Variants in TJP3 observed in about 807,000 individuals in gnomAD.
TJP3 encodes tight junction protein ZO-3.
In TJP3, 85 loss-of-function variants were observed where a neutral mutation model predicts 104.2. The ratio of observed to expected loss-of-function variants is 0.82; its 90% confidence interval spans 0.68 to 0.98. The LOEUF (loss-of-function observed/expected upper bound fraction) is 0.98. Ranked by LOEUF, TJP3 falls within the 50% of genes least tolerant of loss-of-function variation. The probability of loss-of-function intolerance (pLI) is 0.00; values close to 1 mark genes in which losing one functional copy is unlikely to be tolerated. For synonymous variants in TJP3, 550 were observed against 550.6 expected, an observed-to-expected ratio of 1.00 and a Z score of 0.02; for missense variants, 1,367 against 1,322.8, an observed-to-expected ratio of 1.03 and a Z score of -0.52.
chr19:3,731,922 TC>T lies in TJP3; in HGVS notation c.614-7del, dbSNP rs756691710. On this transcript the variant is annotated splice_polypyrimidine_tract_variant and intron_variant, in intron 5 of 20. Coordinates refer to ENST00000541714, the MANE Select transcript of TJP3 (RefSeq NM_001267560.2). ...CAGAGTCCTGCCTCAGTTTCCCTCC[TC>T]CCCCCTTACAGAGTTTGGCGTCAAG... is the stretch of plus-strand genomic sequence containing the variant. 1.6e-4 allele frequency: 255 copies of T among 1,609,104 alleles called. 2 individuals are homozygous for T. The East Asian group carries it at 5.6e-3, about 35-fold the overall frequency.
chr19:3,739,178 C>T (rs200025202), intron 13 of TJP3, 44 bp downstream of exon 13: 4 of 1,472,044 alleles, frequency 2.7e-6, no homozygotes, highest in Non-Finnish European at 3.6e-6. Flanking sequence ...CTGCTTCAGC[C>T]TCAGTCTCCC....
At chr19:3,731,903 C>T (rs760240113) in intron 5 of TJP3, 32 bp from the exon 6 acceptor site, 16 of 1,595,428 alleles carry the variant, frequency 1.0e-5, no homozygotes. Flanking sequence ...TCTCCAGAGT[C>T]CTGCCTCAGT....
chr19:3,749,025 A>AT (rs34880669), intron 19 of TJP3, among the ~76,000 whole-genome samples: 3,137 of 139,676 alleles, frequency 0.022, 38 homozygotes, highest in Middle Eastern at 0.077. Context: ...TGCCCAGCTA[A>AT]TTTTTTTTTT....
In TJP3 at chr19:3,716,743, A is replaced by G. The variant is rs1332774477; in HGVS notation, c.-10+8182A>G. Among the ~76,000 whole-genome samples the G allele has an allele frequency of 4.2e-5, 6 of 142,198 alleles. 1 individual carries two copies. The highest frequency in any genetic ancestry group is 7.8e-5 in the Non-Finnish European group (5 of 64,062). 93.3% of individuals were successfully genotyped at this position (142,198 alleles called of 152,430 possible). ...TGGGCTCAAATGATCCTCCCACTTC[A>G]GCGCCTAGAGGTGCCTGCTACCACA... On this transcript the variant is annotated intron_variant, in intron 1 of 20. Transcript: ENST00000541714.
intron 20 of TJP3, 124 bp downstream of exon 20, chr19:3,750,308 C>A: frequency 7.6e-7 from 1 of 1,307,956 alleles, no homozygotes; most frequent in South Asian, 1.3e-5. Context: ...GAAGACAGAG[C>A]CTGCCAGAGC....
chr19:3,734,428 T>C lies in TJP3; in HGVS notation c.979T>C (p.Ser327Pro), dbSNP rs2036713062. The C allele has an allele frequency of 1.9e-6, 3 of 1,606,704 alleles. No homozygotes were observed. Among genetic ancestry groups the C allele is most frequent in the Non-Finnish European group, 2.5e-6 (3 of 1,177,826 alleles). Reference protein sequence around the residue: ...QRSPEASQTDSPVESPRLRRE... With the variant: ...QRSPEASQTDPPVESPRLRRE... Reference sequence around the variant, plus strand: ...GAGCCCCGAGGCCAGCCAGACCGACTCTCCCGTGTAAGTATCACCCATCGG... The same window carrying C: ...GAGCCCCGAGGCCAGCCAGACCGACCCTCCCGTGTAAGTATCACCCATCGG... The change falls in exon 8 of 21, where the codon TCT (serine) becomes CCT (proline). Residue 327 changes from serine to proline, a missense_variant. By Grantham distance (74) the Ser-to-Pro change is moderately conservative. Coordinates refer to ENST00000541714, the MANE Select transcript of TJP3 (RefSeq NM_001267560.2).
At chr19:3,716,779 A>AGCT (rs2036480528) in intron 1 of TJP3, among the ~76,000 whole-genome samples, 1 of 101,848 alleles carries the variant, frequency 9.8e-6, no homozygotes, top group Non-Finnish European at 2.0e-5. Flanking sequence ...CCCAGCTCAT[A>AGCT]CATATATATA....
At chr19:3,728,828 G>A (rs1811242) in intron 3 of TJP3, 115 bp downstream of exon 3, 97 of 1,108,824 alleles carry the variant, frequency 8.7e-5, no homozygotes, top group African/African-American at 8.4e-4. Flanking sequence ...TGAAGTGGGC[G>A]GATCACCTGA....
chr19:3,747,257 C>T (rs748086882), intron 18 of TJP3, among the ~76,000 whole-genome samples: 1 of 151,902 alleles, frequency 6.6e-6, no homozygotes, highest in Non-Finnish European at 1.5e-5. Context: ...GACGAGGTTT[C>T]ACCATGTTGG....
intron 12 of TJP3, 114 bp from the exon 13 acceptor site, chr19:3,738,783 C>G: frequency 7.5e-7 from 1 of 1,334,032 alleles, no homozygotes; most frequent in South Asian, 1.3e-5. Context: ...CATCCCTCTC[C>G]CTGGCCCCTA....
chr19:3,717,866 C>T (rs1054520586), intron 1 of TJP3, among the ~76,000 whole-genome samples: 1 of 149,410 alleles, frequency 6.7e-6, no homozygotes, highest in Non-Finnish European at 1.5e-5. Flanking sequence ...CCTCCCAGCT[C>T]AGCTTCCCAA....
chr19:3,739,971 C>T lies in TJP3; in HGVS notation c.1632-581C>T, dbSNP rs947653298. Among the ~76,000 whole-genome samples the T allele has an allele frequency of 2.6e-5, 4 of 152,042 alleles. No individual in the cohort carries two copies. In the East Asian group the frequency reaches 5.8e-4, roughly 22 times the overall value. ...TCTGCAGGCCAGGCACGGTGGCTCA[C>T]GCCTGTAATCCCAGCACTTTGGGAG... On this transcript the variant is annotated intron_variant, in intron 13 of 20. Coordinates refer to ENST00000541714, the MANE Select transcript of TJP3 (RefSeq NM_001267560.2).
rs764599896 is a variant in TJP3, at chr19:3,746,112, C to T, written c.2010+31C>T. On this transcript the variant is annotated intron_variant, in intron 16 of 20. Transcript: ENST00000541714. This position sits in a 1 kb window ranked among gnomAD's most constrained non-coding sequence, Gnocchi z 4.1. Reference sequence around the variant, plus strand: ...CCGGGTCCTGCTACGGGTCCCATTTCATGGATGGGGGAAACCGAGGCCTGG... The same window carrying T: ...CCGGGTCCTGCTACGGGTCCCATTTTATGGATGGGGGAAACCGAGGCCTGG... 1.3e-6 allele frequency: 2 copies of T among 1,582,576 alleles called. No homozygotes were observed. The highest frequency in any genetic ancestry group is 1.3e-5 in the African/African-American group (1 of 74,330).
At position 3,747,883 on chromosome 19, in the gene TJP3, C is replaced by T; in HGVS notation, c.2412C>T (p.Asn804=). ...SADLSCDSRV[N]SDYETDGEGG... The stretch of plus-strand genomic sequence containing the variant: ...ACCTCAGCTGCGACAGCCGCGTTAA[C>T]AGCGACTACGAGACGGACGGCGAGG... Residue 804 remains asparagine (N), a synonymous_variant, in exon 19 of 21, where the codon AAC becomes AAT. Transcript: ENST00000541714. The T allele has an allele frequency of 6.2e-7, 1 of 1,613,220 alleles. No individual in the cohort carries two copies. Among genetic ancestry groups the T allele is most frequent in the Non-Finnish European group, 8.5e-7 (1 of 1,179,936 alleles).
rs766464154 is a variant in TJP3 at position 3,738,914 on chromosome 19, C to A, written c.1411C>A (p.Gln471Lys). Reference protein sequence around the residue: ...RKQDIFWKMVQSRVGDSFYIR... With the variant: ...RKQDIFWKMVKSRVGDSFYIR... ...CTCCCCAGTTTTCTGGAAAATGGTG[C>A]AGTCCCGCGTGGGTGACTCCTTCTA... The change falls in exon 13 of 21, where the codon CAG becomes AAG. Residue 471 changes from glutamine (Q) to lysine (K), a missense_variant. Transcript: ENST00000541714. The A allele has an allele frequency of 4.4e-6, 7 of 1,598,702 alleles. No homozygotes were observed. The highest frequency in any genetic ancestry group is 6.0e-6 in the Non-Finnish European group (7 of 1,170,068).
intron 1 of TJP3, among the ~76,000 whole-genome samples, chr19:3,715,324 C>T (rs922973653): frequency 2.6e-5 from 4 of 152,092 alleles, no homozygotes; most frequent in Admixed American, 6.6e-5. Flanking sequence ...CTCCTGACCT[C>T]GTGATCCGCC....
At chr19:3,722,789 C>T (rs528289409) in intron 1 of TJP3, among the ~76,000 whole-genome samples, 28 of 150,066 alleles carry the variant, frequency 1.9e-4, no homozygotes, top group Non-Finnish European at 3.4e-4. Context: ...CTCAGAATCC[C>T]CTCCCCAATC....
intron 6 of TJP3, among the ~76,000 whole-genome samples, chr19:3,733,386 C>A (rs1462356035): frequency 6.6e-6 from 1 of 152,172 alleles, no homozygotes; most frequent in Admixed American, 6.6e-5. Flanking sequence ...TTTCTAGTAT[C>A]TTTTAAGTAT....
Position 3,736,213 on chromosome 19 carries a change from CG to C in TJP3, c.1179del (p.Leu394CysfsTer36), listed in dbSNP as rs2036737275. 4 of 1,596,386 alleles carry C rather than the reference CG, an allele frequency of 2.5e-6. No individual in the cohort carries two copies. Among genetic ancestry groups the C allele is most frequent in the Non-Finnish European group, 3.4e-6 (4 of 1,171,494 alleles). On this transcript the variant is annotated frameshift_variant, in exon 11 of 21. Transcript: ENST00000541714. LOFTEE classifies it high-confidence loss of function. ...VVRFLKGKSI[G>X]LRLAGGNDVG... ...TCCGCTTCCTCAAGGGCAAGAGCAT[CG>C]GGCTGCGGCTGGCAGGGGGCAATGA...
Sources: allele counts gnomAD v4.1 joint callset (sites outside exome capture counted in the v4.1 genomes callset), GRCh38; gene constraint gnomAD v4.1.1; non-coding constraint Gnocchi (gnomAD v3.1); transcripts MANE v1.5; gene names NCBI Gene and HGNC (gene_info 2026-07-23, HGNC 2026-07-21).